Variants in PRKAR2B observed in about 807,000 individuals in gnomAD.
PRKAR2B encodes the protein protein kinase cAMP-dependent type II regulatory subunit beta.
In PRKAR2B, 14 loss-of-function variants were observed where a neutral mutation model predicts 49.9. The ratio of observed to expected loss-of-function variants is 0.28; its 90% CI spans 0.19 to 0.44. The LOEUF is 0.44. Among genes scored for constraint, PRKAR2B ranks in the 20% least tolerant of loss-of-function variants. The pLI is 1.00. For missense variants in PRKAR2B, 393 were observed against 537.9 expected (o/e 0.73, Z 2.67); for synonymous variants, 196 against 197.7 (o/e 0.99, Z 0.07).
At chr7:107,144,985 G>A (rs1323990956) in intron 5 of PRKAR2B, among the ~76,000 whole-genome samples, 4 of 152,028 alleles carry the variant, frequency 2.6e-5, no homozygotes, top group Non-Finnish European at 5.9e-5. Flanking sequence ...CGTGAATATA[G>A]GGTCTGGGTA....
chr7:107,045,943 T>C (rs975488372), intron 1 of PRKAR2B, among the ~76,000 whole-genome samples: 1 of 152,234 alleles, frequency 6.6e-6, no homozygotes, highest in African/African-American at 2.4e-5. Flanking sequence ...TGCTTTATTT[T>C]TTTAAAAGTG....
At chr7:107,047,376 A>G (rs1793717836) in intron 1 of PRKAR2B, among the ~76,000 whole-genome samples, 1 of 152,180 alleles carries the variant, frequency 6.6e-6, no homozygotes, top group Non-Finnish European at 1.5e-5. Flanking sequence ...GGTTTCTTGT[A>G]AAGGGCCGGT....
chr7:107,104,940 G>T (rs1234910931), intron 2 of PRKAR2B, among the ~76,000 whole-genome samples: 3 of 152,092 alleles, frequency 2.0e-5, no homozygotes, highest in Non-Finnish European at 4.4e-5. Flanking sequence ...TTCATTAACT[G>T]CCCTCAGTTC....
chr7:107,061,684 A>G (rs1169722727), intron 1 of PRKAR2B, among the ~76,000 whole-genome samples: 2 of 152,182 alleles, frequency 1.3e-5, no homozygotes, highest in Non-Finnish European at 2.9e-5. Context: ...CAGGCAGATC[A>G]CTTGAGGTCA....
chr7:107,047,562 T>A (rs1022535017), intron 1 of PRKAR2B, among the ~76,000 whole-genome samples: 2 of 151,338 alleles, frequency 1.3e-5, no homozygotes, highest in East Asian at 3.9e-4. Flanking sequence ...AATAGTACCA[T>A]TGGGGGAAAA....
chr7:107,072,081 T>A (rs1462807138), intron 2 of PRKAR2B, among the ~76,000 whole-genome samples: 3 of 143,588 alleles, frequency 2.1e-5, no homozygotes, highest in African/African-American at 5.0e-5. Flanking sequence ...AAAAAAAAAA[T>A]AATAAAAAAT....
At chr7:107,114,359 T>C (rs1795231093) in intron 2 of PRKAR2B, among the ~76,000 whole-genome samples, 2 of 143,762 alleles carry the variant, frequency 1.4e-5, no homozygotes, top group African/African-American at 5.7e-5. Flanking sequence ...TGTGTGTGTG[T>C]GTGTGTGTGT....
chr7:107,141,952 G>T (rs17341680), intron 5 of PRKAR2B, among the ~76,000 whole-genome samples: 13,552 of 152,200 alleles, frequency 0.089, 652 homozygotes, highest in Middle Eastern at 0.16. Context: ...AGAACAATAT[G>T]CCTTATGCAA....
chr7:107,136,800 G>A (rs1795709287), intron 4 of PRKAR2B, among the ~76,000 whole-genome samples: 1 of 152,204 alleles, frequency 6.6e-6, no homozygotes, highest in Non-Finnish European at 1.5e-5. Context: ...CAGTAGTCAT[G>A]CTCCTTGGTA....
At chr7:107,123,644 G>A (rs1215337121) in intron 3 of PRKAR2B, among the ~76,000 whole-genome samples, 1 of 152,108 alleles carries the variant, frequency 6.6e-6, no homozygotes, top group Non-Finnish European at 1.5e-5. Flanking sequence ...TTTCCAAAGA[G>A]TTTCTGATGG....
At chr7:107,067,994 T>G (rs1794187096) in intron 1 of PRKAR2B, among the ~76,000 whole-genome samples, 1 of 152,190 alleles carries the variant, frequency 6.6e-6, no homozygotes, top group Admixed American at 6.5e-5. Flanking sequence ...GGACAAAAGT[T>G]GAAGGTTGCA....
At chr7:107,074,107 A>G (rs917994769) in intron 2 of PRKAR2B, among the ~76,000 whole-genome samples, 1 of 152,022 alleles carries the variant, frequency 6.6e-6, no homozygotes, top group Non-Finnish European at 1.5e-5. Flanking sequence ...ATCATTATCC[A>G]TAATCCATTT....
At chr7:107,100,979 A>G (rs1562857114) in intron 2 of PRKAR2B, among the ~76,000 whole-genome samples, 1 of 152,090 alleles carries the variant, frequency 6.6e-6, no homozygotes, top group African/African-American at 2.4e-5. Context: ...AACTGGCCCA[A>G]TTGTAGATCA....
intron 5 of PRKAR2B, among the ~76,000 whole-genome samples, chr7:107,142,125 T>C (rs1312502690): frequency 6.6e-6 from 1 of 152,164 alleles, no homozygotes; most frequent in African/African-American, 2.4e-5. Flanking sequence ...CTGGGTTACG[T>C]TTGCTCTCTG....
intron 1 of PRKAR2B, among the ~76,000 whole-genome samples, chr7:107,059,036 A>G (rs1033446130): frequency 6.6e-6 from 1 of 152,110 alleles, no homozygotes; most frequent in Non-Finnish European, 1.5e-5. Flanking sequence ...CTGTATTCCC[A>G]GCCCTTTGGG....
At chr7:107,153,140 T>C (rs1192105580) in intron 7 of PRKAR2B, 37 bp from the exon 8 acceptor site, 1 of 1,531,842 alleles carries the variant, frequency 6.5e-7, no homozygotes, top group Admixed American at 1.8e-5. Context: ...ACCCAGTTAA[T>C]TTGTTTCTAT....
chr7:107,132,315 G>A (rs1795617697), intron 4 of PRKAR2B, among the ~76,000 whole-genome samples: 1 of 152,196 alleles, frequency 6.6e-6, no homozygotes, highest in Non-Finnish European at 1.5e-5. Context: ...TTTCTCGAAT[G>A]CTATGCTGTG....
rs769300018 is a variant in PRKAR2B at position 107,128,261 on chromosome 7, G to T, written c.446G>T (p.Cys149Phe). 6.2e-7 allele frequency: 1 copy of T among 1,612,780 alleles called. No individual in the cohort carries two copies. The highest frequency in any genetic ancestry group is 8.5e-7 in the Non-Finnish European group (1 of 1,178,796). The change falls in exon 4 of 11, where the codon TGC (cysteine) becomes TTC (phenylalanine). Residue 149 changes from cysteine to phenylalanine, a missense_variant. Physicochemically the swap from Cys to Phe is radical, Grantham distance 205. Coordinates refer to ENST00000265717, the MANE Select transcript of PRKAR2B (RefSeq NM_002736.3). ...DDQRNRLQEA[C>F]KDILLFKNLD... ...CAAAGAAATAGGTTGCAAGAGGCTT[G>T]CAAAGACATCCTGCTGTTTAAGAAT...
intron 2 of PRKAR2B, among the ~76,000 whole-genome samples, chr7:107,081,051 A>G (rs1374368540): frequency 6.6e-6 from 1 of 152,140 alleles, no homozygotes; most frequent in Admixed American, 6.5e-5. Context: ...ATTAGACTGG[A>G]TTTTTCAAAT....
Sources: gnomAD v4.1 joint callset for allele counts (sites outside exome capture counted in the v4.1 genomes callset) on GRCh38, gnomAD v4.1.1 for gene constraint, MANE v1.5 for transcripts, NCBI Gene and HGNC (gene_info 2026-07-23, HGNC 2026-07-21) for gene names.